DDI2: variants seen among roughly 807,000 people sequenced by gnomAD.
DDI2 encodes the protein DDI proteasomal shuttling factor 2, also known as protein DDI1 homolog 2.
In DDI2, 5 loss-of-function variants were observed where a neutral mutation model predicts 48.1. The observed-to-expected ratio is 0.10, with a 90% confidence interval of 0.05 to 0.22. The LOEUF (loss-of-function observed/expected upper bound fraction) is 0.22, where lower values mean the gene tolerates loss of function less well. Among genes scored for constraint, DDI2 ranks in the 10% least tolerant of loss-of-function variants. The pLI is 1.00. For missense variants in DDI2, 285 were observed against 506.2 expected (o/e 0.56, Z 4.19); for synonymous variants, 205 against 183.6 (o/e 1.12, Z -0.94).
intron 8 of DDI2, among the ~76,000 whole-genome samples, chr1:15,654,522 G>T (rs1046807889): frequency 6.6e-6 from 1 of 151,970 alleles, no homozygotes; most frequent in African/African-American, 2.4e-5. Context: ...GCCAGCCATG[G>T]TGGCGCGCCT....
chr1:15,633,631 T>C (rs1375976851), intron 4 of DDI2, 66 bp downstream of exon 4: 1 of 1,590,084 alleles, frequency 6.3e-7, no homozygotes, highest in Non-Finnish European at 8.6e-7. Context: ...GCAGGTTATC[T>C]GACATTGGTT....
At chr1:15,626,872 T>C in intron 2 of DDI2, 74 bp downstream of exon 2, 1 of 1,585,350 alleles carries the variant, frequency 6.3e-7, no homozygotes, top group Admixed American at 1.7e-5. Flanking sequence ...CTCAGAGTTT[T>C]GGATTCGCTT....
chr1:15,643,877 T>C (rs1640046634), intron 6 of DDI2, among the ~76,000 whole-genome samples: 1 of 152,244 alleles, frequency 6.6e-6, no homozygotes, highest in African/African-American at 2.4e-5. Flanking sequence ...TAGTCTCCTC[T>C]ACGTTTCTAT....
At chr1:15,649,055 G>A (rs1441344414) in intron 6 of DDI2, among the ~76,000 whole-genome samples, 1 of 151,932 alleles carries the variant, frequency 6.6e-6, no homozygotes, top group African/African-American at 2.4e-5. Context: ...TCAATATAGC[G>A]AGACTCAATC....
chr1:15,619,845 T>C (rs1639630131), intron 1 of DDI2, among the ~76,000 whole-genome samples: 1 of 152,090 alleles, frequency 6.6e-6, no homozygotes. Context: ...AAAATGTAAA[T>C]TGATTTTGTT....
intron 6 of DDI2, among the ~76,000 whole-genome samples, chr1:15,647,504 T>C (rs1308585829): frequency 2.6e-5 from 4 of 152,122 alleles, no homozygotes; most frequent in Non-Finnish European, 2.9e-5. Context: ...TTTGATTTTT[T>C]CCCCCTAGTC....
At chr1:15,638,591 G>T (rs1639961615) in intron 5 of DDI2, among the ~76,000 whole-genome samples, 157 bp downstream of exon 5, 1 of 142,988 alleles carries the variant, frequency 7.0e-6, no homozygotes, top group African/African-American at 2.6e-5. Flanking sequence ...CCAAAGTGCA[G>T]TGGCGTGATC....
rs148043132 is a variant in DDI2, at chr1:15,647,077, T to G, written c.890-2643T>G. On this transcript the variant is annotated intron_variant, in intron 6 of 9. Coordinates refer to ENST00000480945, the MANE Select transcript of DDI2 (RefSeq NM_032341.5). The stretch of plus-strand genomic sequence containing the variant: ...CACCATGAATTTCAAAAGAATTATT[T>G]AAATAAATGAATAAATGTATAGCAT... 3.9e-5 allele frequency among the ~76,000 whole-genome samples: 6 copies of G among 152,284 alleles called. No individual in the cohort carries two copies. The East Asian group carries it at 1.2e-3, about 29-fold the overall frequency.
intron 3 of DDI2, among the ~76,000 whole-genome samples, chr1:15,631,801 T>TAGGCTTTGTTTTTTTTTTTCTTGAGACG: frequency 6.6e-6 from 1 of 152,038 alleles, no homozygotes; most frequent in Non-Finnish European, 1.5e-5. Flanking sequence ...TCTTTCGTGT[T>TAGGCTTTGTTTTTTTTTTTCTTGAGACG]AGGCTTTGTT....
rs57716922 is a variant in DDI2, at chr1:15,641,955, C to CA, written c.761-1546dup. 9.9e-3 allele frequency among the ~76,000 whole-genome samples: 779 copies of CA among 78,832 alleles called. 7 individuals are homozygous for CA. The highest frequency in any genetic ancestry group is 0.038 in the Middle Eastern group (5 of 132). The allele number at this position is 78,832 out of a possible 152,430, so 51.7% of individuals were successfully genotyped here. ...GGGCAACAAGAGTGAAATTCAGTCTCAAAAAAAAAAAAAAAAAAAAAGGAG... is the reference window on the plus strand; with the variant it reads ...GGGCAACAAGAGTGAAATTCAGTCTCAAAAAAAAAAAAAAAAAAAAAAGGAG... On this transcript the variant is annotated intron_variant, in intron 5 of 9. Coordinates refer to ENST00000480945, the MANE Select transcript of DDI2 (RefSeq NM_032341.5).
At chr1:15,648,852 A>C (rs1640131440) in intron 6 of DDI2, among the ~76,000 whole-genome samples, 3 of 147,768 alleles carry the variant, frequency 2.0e-5, no homozygotes, top group African/African-American at 7.4e-5. Flanking sequence ...AAAAAAAAAA[A>C]CAACCCTAAA....
In DDI2 at chr1:15,660,630, T is replaced by C. The variant is rs1243505395; in HGVS notation, c.*840T>C. Reference sequence around the variant, plus strand: ...AAACATTTATGGAAATCGATACAGCTCAACAGTCCCTAGTTACTTTGCTTA... The same window carrying C: ...AAACATTTATGGAAATCGATACAGCCCAACAGTCCCTAGTTACTTTGCTTA... On this transcript the variant is annotated 3_prime_UTR_variant, in exon 10 of 10. Transcript: ENST00000480945. 1.9e-6 allele frequency: 3 copies of C among 1,614,060 alleles called. No individual in the cohort carries two copies. The highest frequency in any genetic ancestry group is 1.1e-5 in the South Asian group (1 of 91,076).
At chr1:15,625,985 G>A (rs1639747993) in intron 1 of DDI2, among the ~76,000 whole-genome samples, 1 of 152,150 alleles carries the variant, frequency 6.6e-6, no homozygotes, top group African/African-American at 2.4e-5. Flanking sequence ...TGATATTTGG[G>A]ACCCTTTTGC....
At chr1:15,627,026 A>T in intron 2 of DDI2, 1 of 539,084 alleles carries the variant, frequency 1.9e-6, no homozygotes, top group Non-Finnish European at 3.3e-6. Context: ...AGCTGACGTG[A>T]GGCTAATGCA....
intron 6 of DDI2, among the ~76,000 whole-genome samples, chr1:15,647,236 C>T (rs909616509): frequency 6.6e-6 from 1 of 151,942 alleles, no homozygotes; most frequent in African/African-American, 2.4e-5. Context: ...CAACCTGTGC[C>T]TCCCAGGTTC....
Position 15,660,932 on chromosome 1 carries a change from C to T in DDI2, c.*1142C>T. 2 of 1,613,164 alleles carry T rather than the reference C, an allele frequency of 1.2e-6. No individual in the cohort carries two copies. Among genetic ancestry groups the T allele is most frequent in the Non-Finnish European group, 1.7e-6 (2 of 1,179,608 alleles). On this transcript the variant is annotated 3_prime_UTR_variant, in exon 10 of 10. Transcript: ENST00000480945. ...GAATCTTGCCCGTCTATAACGGCAG[C>T]CTTGAAAGAACTTCATGAACTTTTG...
At chr1:15,643,746 T>G in intron 6 of DDI2, 96 bp downstream of exon 6, 1 of 1,497,204 alleles carries the variant, frequency 6.7e-7, no homozygotes. Flanking sequence ...TTGTTGTTAT[T>G]TTGTTGTTGT....
intron 1 of DDI2, among the ~76,000 whole-genome samples, chr1:15,619,213 C>G (rs539212245): frequency 6.6e-6 from 1 of 152,118 alleles, no homozygotes; most frequent in African/African-American, 2.4e-5. Context: ...CCCAGTCTCC[C>G]GGGTTCAAGC....
chr1:15,632,238 A>T (rs563983996), intron 3 of DDI2, among the ~76,000 whole-genome samples: 39 of 152,256 alleles, frequency 2.6e-4, no homozygotes, highest in African/African-American at 9.1e-4. Flanking sequence ...GATGGTGATG[A>T]TGGGGCATTT....
Sources: allele counts gnomAD v4.1 joint callset (sites outside exome capture counted in the v4.1 genomes callset), GRCh38; gene constraint gnomAD v4.1.1; transcripts MANE v1.5; gene names NCBI Gene and HGNC (gene_info 2026-07-23, HGNC 2026-07-21).